Variants in NTRK3 observed in about 807,000 individuals in gnomAD.
NTRK3 encodes neurotrophic receptor tyrosine kinase 3.
Under a neutral mutation model 91.7 loss-of-function variants are expected in NTRK3, and 24 were observed. That is an observed-to-expected ratio of 0.26 (90% CI 0.19 to 0.37). The LOEUF (loss-of-function observed/expected upper bound fraction) is 0.37, where lower values mean the gene tolerates loss of function less well. NTRK3 is among the 10% of genes least tolerant of loss of function. The pLI is 1.00. For synonymous variants in NTRK3, 483 were observed against 404.0 expected (o/e 1.20, Z -2.34); for missense variants, 880 against 1,068.9 (o/e 0.82, Z 2.46).
At chr15:87,884,648 A>G (rs1317396813) in intron 17 of NTRK3, among the ~76,000 whole-genome samples, 1 of 151,818 alleles carries the variant, frequency 6.6e-6, no homozygotes, top group Non-Finnish European at 1.5e-5. Context: ...ATTCCATATT[A>G]TATATAGCTC....
chr15:87,870,306 C>G, exon 19 of NTRK3: 1 of 190,602 alleles, frequency 5.2e-6, no homozygotes, highest in Non-Finnish European at 1.1e-5. Flanking sequence ...GATTGGAGAC[C>G]ACTATTCTAA....
chr15:87,912,931 A>AATATATATATATATATATAT lies in NTRK3; in HGVS notation c.2133+16240_2133+16259dup, dbSNP rs58367924. ...TTCAACTTTTCAAAAAGTAAAAAAA[A>AATATATATATATATATATAT]ATATATATATATATATATATATATA... On this transcript the variant is annotated intron_variant, in intron 17 of 18. Coordinates refer to ENST00000394480, the Ensembl canonical transcript of NTRK3. Among the ~76,000 whole-genome samples the AATATATATATATATATATAT allele has an allele frequency of 1.3e-3, 47 of 36,344 alleles. 4 individuals are homozygous for AATATATATATATATATATAT. The highest frequency in any genetic ancestry group is 3.5e-3 in the South Asian group (3 of 846). The allele number at this position is 36,344 out of a possible 152,430, so 23.8% of individuals were successfully genotyped here. A position where few individuals can be genotyped will look rare whatever the true frequency, so the allele number is the denominator to read the frequency against.
chr15:87,974,147 A>T (rs886104098), intron 14 of NTRK3, among the ~76,000 whole-genome samples: 16 of 152,050 alleles, frequency 1.1e-4, no homozygotes, highest in African/African-American at 3.9e-4. Context: ...GAGCCAGGGG[A>T]TGTGTCACAG....
intron 14 of NTRK3, among the ~76,000 whole-genome samples, chr15:87,956,421 G>C (rs570666757): frequency 6.6e-6 from 1 of 152,122 alleles, no homozygotes; most frequent in African/African-American, 2.4e-5. Flanking sequence ...TTACAGGCAC[G>C]TGCCACCACG....
intron 17 of NTRK3, among the ~76,000 whole-genome samples, chr15:87,900,048 T>C (rs140265770): frequency 2.6e-5 from 4 of 152,322 alleles, no homozygotes; most frequent in African/African-American, 9.6e-5. Context: ...AGAGAGCTCA[T>C]AGATCACTTG....
chr15:87,886,741 C>G (rs1003007042), intron 17 of NTRK3, among the ~76,000 whole-genome samples: 1 of 142,040 alleles, frequency 7.0e-6, no homozygotes, highest in African/African-American at 2.7e-5. Context: ...CACATAAACA[C>G]ACACACACAC....
Position 88,235,363 on chromosome 15 carries a change from C to T in NTRK3, c.248+20543G>A, listed in dbSNP as rs753372508. ...GGTCGCTGGACCCACGCAGTCAGTA[C>T]CCTGCCGCAGACAGTGGACACTCAC... On this transcript the variant is annotated intron_variant, in intron 3 of 18. Coordinates refer to ENST00000394480, the Ensembl canonical transcript of NTRK3. This position sits in a 1 kb window ranked among gnomAD's most constrained non-coding sequence, Gnocchi z 5.2. Among the ~76,000 whole-genome samples the T allele has an allele frequency of 5.3e-5, 8 of 152,190 alleles. No individual in the cohort carries two copies. Among genetic ancestry groups the T allele is most frequent in the African/African-American group, 9.7e-5 (4 of 41,448 alleles).
chr15:88,024,592 A>G (rs1021326063), intron 14 of NTRK3, among the ~76,000 whole-genome samples: 2 of 152,202 alleles, frequency 1.3e-5, no homozygotes, highest in African/African-American at 4.8e-5. Context: ...AGGATGTAGG[A>G]CAGATCTAGG....
intron 13 of NTRK3, among the ~76,000 whole-genome samples, chr15:88,082,544 T>G (rs1413088787): frequency 6.6e-6 from 1 of 152,214 alleles, no homozygotes; most frequent in Non-Finnish European, 1.5e-5. Flanking sequence ...AACTGCTATC[T>G]GACTTCCATC....
chr15:88,057,717 C>T (rs544784858), intron 13 of NTRK3, among the ~76,000 whole-genome samples: 217 of 152,316 alleles, frequency 1.4e-3, no homozygotes, highest in Non-Finnish European at 2.8e-3. Context: ...CTGTGAGCTG[C>T]CGGGAAAACC....
chr15:88,022,547 C>T (rs115642311), intron 14 of NTRK3, among the ~76,000 whole-genome samples: 103 of 152,286 alleles, frequency 6.8e-4, no homozygotes, highest in African/African-American at 2.4e-3. Flanking sequence ...AATCCTCTTA[C>T]TCCTTGAAGA....
chr15:88,068,184 C>T (rs529632375), intron 13 of NTRK3, among the ~76,000 whole-genome samples: 25 of 152,264 alleles, frequency 1.6e-4, no homozygotes, highest in African/African-American at 6.0e-4. Context: ...GTTACCCCAG[C>T]ACTTTGGGAG....
chr15:87,907,171 T>C (rs1358961913), intron 17 of NTRK3, among the ~76,000 whole-genome samples: 1 of 152,208 alleles, frequency 6.6e-6, no homozygotes, highest in Non-Finnish European at 1.5e-5. Context: ...ATGCAACCTG[T>C]CAGTTCCTAA....
At chr15:87,913,422 A>G (rs531297227) in intron 17 of NTRK3, among the ~76,000 whole-genome samples, 3 of 152,140 alleles carry the variant, frequency 2.0e-5, no homozygotes, top group Admixed American at 6.5e-5. Flanking sequence ...ACTGCTCAGG[A>G]TGACATGTGT....
chr15:88,144,497 G>A (rs1470604261), intron 6 of NTRK3, among the ~76,000 whole-genome samples: 1 of 152,146 alleles, frequency 6.6e-6, no homozygotes, highest in Non-Finnish European at 1.5e-5. Flanking sequence ...GACATCTTGA[G>A]AGGGGCTTCT....
At chr15:88,227,309 A>T (rs975700473) in intron 3 of NTRK3, among the ~76,000 whole-genome samples, 3 of 150,608 alleles carry the variant, frequency 2.0e-5, no homozygotes, top group East Asian at 3.9e-4. Flanking sequence ...ACTGCTGTCC[A>T]CTCCTCACCC....
chr15:87,949,027 G>C (rs2070840968), intron 14 of NTRK3, among the ~76,000 whole-genome samples: 1 of 152,176 alleles, frequency 6.6e-6, no homozygotes, highest in South Asian at 2.1e-4. Context: ...CGTAGGCTGG[G>C]CCTAGCACAG....
intron 13 of NTRK3, chr15:88,072,350 G>C: frequency 5.1e-6 from 1 of 195,960 alleles, no homozygotes. Flanking sequence ...GGGAGTCCCA[G>C]AGCAGAGTGA....
chr15:88,052,518 A>G (rs867250311), intron 13 of NTRK3, among the ~76,000 whole-genome samples: 4 of 152,248 alleles, frequency 2.6e-5, no homozygotes, highest in African/African-American at 9.6e-5. Context: ...GTATCCAGAC[A>G]TCTGCTGTCA....
Sources: allele counts gnomAD v4.1 joint callset (sites outside exome capture counted in the v4.1 genomes callset), GRCh38; gene constraint gnomAD v4.1.1; non-coding constraint Gnocchi (gnomAD v3.1); transcripts MANE v1.5; gene names NCBI Gene and HGNC (gene_info 2026-07-23, HGNC 2026-07-21).